Variants in ACTR3C observed in about 807,000 individuals in gnomAD.
ACTR3C encodes the protein actin-related protein 3C.
ACTR3C carries 18 observed loss-of-function variants against 26.3 expected under a neutral mutation model. The ratio of observed to expected loss-of-function variants is 0.68; its 90% confidence interval spans 0.47 to 1.01. ACTR3C has a LOEUF of 1.01. Among genes scored for constraint, ACTR3C ranks in the 50% least tolerant of loss-of-function variants. The pLI, the probability that ACTR3C is intolerant of heterozygous loss-of-function variation, is 0.00. For synonymous variants in ACTR3C, 55 were observed against 94.5 expected, an observed-to-expected ratio of 0.58 and a Z score of 2.42; for missense variants, 184 against 250.7, an observed-to-expected ratio of 0.73 and a Z score of 1.80.
At chr7:150,103,867 T>C in the ACTR3C span, among the ~76,000 whole-genome samples, 162 of 152,180 alleles carry the variant, frequency 1.1e-3, 1 homozygote, top group African/African-American at 3.7e-3. Context: ...CATCTCACCA[T>C]ATCAACCACT....
the ACTR3C span, among the ~76,000 whole-genome samples, chr7:149,968,712 C>T: frequency 7.9e-5 from 12 of 151,976 alleles, no homozygotes; most frequent in East Asian, 3.9e-4. Flanking sequence ...TTTAATTGTA[C>T]GGTCCAATAG....
the ACTR3C span, among the ~76,000 whole-genome samples, chr7:150,023,937 G>C: frequency 7.5e-6 from 1 of 132,942 alleles, no homozygotes; most frequent in Admixed American, 8.2e-5. Flanking sequence ...CAAAGGAGAT[G>C]ACAGGAGGAA....
chr7:150,262,434 C>G (rs1342637680), intron 6 of ACTR3C, among the ~76,000 whole-genome samples: 29 of 152,370 alleles, frequency 1.9e-4, no homozygotes, highest in Non-Finnish European at 3.5e-4. Flanking sequence ...CTAAACCGAG[C>G]CTTTTCTGGG....
the ACTR3C span, among the ~76,000 whole-genome samples, chr7:150,123,292 G>C: frequency 6.6e-6 from 1 of 152,006 alleles, no homozygotes; most frequent in African/African-American, 2.4e-5. Context: ...GAGAAACAAA[G>C]ATAAACAGCT....
At chr7:149,882,613 C>A in the ACTR3C span, among the ~76,000 whole-genome samples, 4 of 152,210 alleles carry the variant, frequency 2.6e-5, no homozygotes, top group African/African-American at 9.7e-5. Flanking sequence ...GTGTTCCTCC[C>A]AGAGGCTTTC....
the ACTR3C span, among the ~76,000 whole-genome samples, chr7:149,929,143 A>G: frequency 3.9e-5 from 6 of 152,314 alleles, no homozygotes; most frequent in South Asian, 1.0e-3. Context: ...AGAATCACCA[A>G]TGGACCAGGC....
chr7:150,015,655 C>A, the ACTR3C span, among the ~76,000 whole-genome samples: 4 of 150,844 alleles, frequency 2.7e-5, no homozygotes, highest in Non-Finnish European at 5.9e-5. Context: ...GCTATTACCA[C>A]GCTCTTGACG....
At chr7:150,107,566 A>G in the ACTR3C span, among the ~76,000 whole-genome samples, 1 of 152,040 alleles carries the variant, frequency 6.6e-6, no homozygotes, top group Non-Finnish European at 1.5e-5. Flanking sequence ...GGTTATGTAG[A>G]AGACTGCTGC....
the ACTR3C span, among the ~76,000 whole-genome samples, chr7:149,908,585 A>C: frequency 5.3e-5 from 8 of 152,160 alleles, no homozygotes; most frequent in African/African-American, 1.9e-4. Context: ...TTCCCTGTCG[A>C]CATTCCCCAC....
the ACTR3C span, among the ~76,000 whole-genome samples, chr7:150,227,248 T>C: frequency 5.3e-5 from 8 of 151,894 alleles, no homozygotes; most frequent in Middle Eastern, 3.4e-3. Flanking sequence ...TTCTCCAGTC[T>C]AAGGGAGACT....
At chr7:150,214,954 T>C in the ACTR3C span, among the ~76,000 whole-genome samples, 22 of 151,852 alleles carry the variant, frequency 1.4e-4, no homozygotes, top group Admixed American at 1.2e-3. Context: ...GGAAAATACA[T>C]CCTTTAAGGA....
intron 6 of ACTR3C, among the ~76,000 whole-genome samples, chr7:150,251,247 C>T (rs947764927): frequency 6.6e-6 from 1 of 152,162 alleles, no homozygotes; most frequent in Non-Finnish European, 1.5e-5. Flanking sequence ...ATTTAATTCT[C>T]AATATCTTAC....
At chr7:150,101,677 A>C in the ACTR3C span, among the ~76,000 whole-genome samples, 1 of 151,748 alleles carries the variant, frequency 6.6e-6, no homozygotes, top group African/African-American at 2.4e-5. Flanking sequence ...CAGCCACGTT[A>C]AGTCACTTGA....
chr7:150,010,064 C>T, the ACTR3C span, among the ~76,000 whole-genome samples: 1 of 152,372 alleles, frequency 6.6e-6, no homozygotes, highest in East Asian at 1.9e-4. Context: ...GTGCTGACAC[C>T]TGCTCGGCTT....
the ACTR3C span, among the ~76,000 whole-genome samples, chr7:150,135,794 C>G: frequency 3.9e-5 from 3 of 76,934 alleles, no homozygotes; most frequent in East Asian, 2.8e-4. Flanking sequence ...AGAAAGGAAA[C>G]GAAACGAAAG....
At chr7:149,924,847 C>T in the ACTR3C span, among the ~76,000 whole-genome samples, 1 of 152,068 alleles carries the variant, frequency 6.6e-6, no homozygotes. Flanking sequence ...AAGCTGGTCT[C>T]AAATTCCTGG....
At chr7:150,113,033 T>C in the ACTR3C span, among the ~76,000 whole-genome samples, 5 of 152,124 alleles carry the variant, frequency 3.3e-5, no homozygotes, top group Admixed American at 6.5e-5. Flanking sequence ...TACTGAACTC[T>C]ATATTTAAAT....
the ACTR3C span, among the ~76,000 whole-genome samples, chr7:150,129,271 A>G: frequency 0.11 from 16,716 of 146,556 alleles, 568 homozygotes; most frequent in Non-Finnish European, 0.16. Flanking sequence ...ACGAGAAACC[A>G]ACAAGTAACA....
the ACTR3C span, among the ~76,000 whole-genome samples, chr7:149,983,023 G>C: frequency 1.3e-5 from 2 of 152,060 alleles, no homozygotes; most frequent in Non-Finnish European, 2.9e-5. Flanking sequence ...ATACACGATG[G>C]GAAAATAACA....
Sources: allele counts gnomAD v4.1 joint callset (sites outside exome capture counted in the v4.1 genomes callset), GRCh38; gene constraint gnomAD v4.1.1; transcripts MANE v1.5; gene names NCBI Gene and HGNC (gene_info 2026-07-23, HGNC 2026-07-21).